NCAM1: variants seen among roughly 807,000 people sequenced by gnomAD.
NCAM1 encodes the protein neural cell adhesion molecule 1.
A neutral mutation model predicts 109.8 loss-of-function variants in NCAM1; 14 were observed. That is an observed-to-expected ratio of 0.13 (90% confidence interval 0.08 to 0.20). The LOEUF is 0.20. Ranked by LOEUF, NCAM1 falls within the 10% of genes least tolerant of loss-of-function variation. NCAM1 has a pLI of 1.00. For missense variants in NCAM1, 774 were observed against 1,109.9 expected (o/e 0.70, Z 4.30); for synonymous variants, 418 against 442.9 (o/e 0.94, Z 0.70).
intron 1 of NCAM1, among the ~76,000 whole-genome samples, chr11:113,126,421 G>A (rs1424315226): frequency 5.9e-5 from 9 of 152,016 alleles, no homozygotes; most frequent in African/African-American, 2.2e-4. Context: ...TGAACCCAAG[G>A]TACAGAGTTC....
chr11:113,186,418 A>C (rs1943510131), intron 1 of NCAM1, among the ~76,000 whole-genome samples: 1 of 152,212 alleles, frequency 6.6e-6, no homozygotes, highest in African/African-American at 2.4e-5. Context: ...TCTTCCATGA[A>C]ACTTGTCCCT....
intron 1 of NCAM1, among the ~76,000 whole-genome samples, chr11:112,975,062 AG>A (rs1166098033): frequency 6.6e-6 from 1 of 152,042 alleles, no homozygotes; most frequent in Non-Finnish European, 1.5e-5. Flanking sequence ...GACATGCTCT[AG>A]GGGTGCATCA....
intron 1 of NCAM1, among the ~76,000 whole-genome samples, chr11:113,094,314 G>A (rs182262685): frequency 8.5e-5 from 13 of 152,272 alleles, no homozygotes; most frequent in East Asian, 3.9e-4. Context: ...AGAGTTAGAC[G>A]ATAGACATCA....
At chr11:113,215,799 C>G (rs1479090386) in intron 8 of NCAM1, among the ~76,000 whole-genome samples, 1 of 152,208 alleles carries the variant, frequency 6.6e-6, no homozygotes, top group African/African-American at 2.4e-5. Flanking sequence ...TACTTGGATA[C>G]TTTCTTTATC....
chr11:113,163,317 T>A (rs1942667155), intron 1 of NCAM1, among the ~76,000 whole-genome samples: 1 of 152,242 alleles, frequency 6.6e-6, no homozygotes. Context: ...CCCATGCTGC[T>A]GTTTTGCATC....
chr11:113,058,648 G>T (rs1478272162), intron 1 of NCAM1, among the ~76,000 whole-genome samples: 1 of 152,054 alleles, frequency 6.6e-6, no homozygotes, highest in African/African-American at 2.4e-5. Flanking sequence ...TCATTGTTTT[G>T]AACAGATGGT....
At chr11:112,986,505 G>A (rs1951309515) in intron 1 of NCAM1, among the ~76,000 whole-genome samples, 1 of 151,974 alleles carries the variant, frequency 6.6e-6, no homozygotes, top group East Asian at 1.9e-4. Context: ...TTATTTAAAT[G>A]TTTGGTAGAA....
intron 1 of NCAM1, among the ~76,000 whole-genome samples, chr11:113,167,798 C>T (rs892864360): frequency 5.3e-5 from 8 of 152,112 alleles, no homozygotes; most frequent in Admixed American, 1.3e-4. Flanking sequence ...GGTTGGCAGG[C>T]GGACTTTTCT....
chr11:113,063,974 C>A (rs1937808638), intron 1 of NCAM1, among the ~76,000 whole-genome samples: 2 of 152,132 alleles, frequency 1.3e-5, no homozygotes, highest in Non-Finnish European at 2.9e-5. Context: ...AGTTTCTTTG[C>A]CAAATGTAGT....
At chr11:113,210,832 A>G (rs1322717156) in intron 7 of NCAM1, among the ~76,000 whole-genome samples, 1 of 147,386 alleles carries the variant, frequency 6.8e-6, no homozygotes, top group South Asian at 2.1e-4. Context: ...ATATTTCACA[A>G]TTTCTTTCCC....
intron 9 of NCAM1, among the ~76,000 whole-genome samples, chr11:113,229,494 A>G (rs1248579430): frequency 4.6e-5 from 7 of 152,322 alleles, no homozygotes; most frequent in African/African-American, 1.7e-4. Context: ...GGGACTGTAA[A>G]CTAGTTCAAC....
chr11:113,178,556 A>G (rs782128691), intron 1 of NCAM1, among the ~76,000 whole-genome samples: 5 of 152,230 alleles, frequency 3.3e-5, no homozygotes, highest in Non-Finnish European at 5.9e-5. Flanking sequence ...CGGGAGGCCA[A>G]TTAGCAAACT....
At chr11:113,217,658 C>T (rs1177949974) in intron 8 of NCAM1, among the ~76,000 whole-genome samples, 1 of 152,192 alleles carries the variant, frequency 6.6e-6, no homozygotes, top group Non-Finnish European at 1.5e-5. Context: ...CTAAAATGCT[C>T]AGGTCTTTTT....
At chr11:113,107,747 A>G (rs910450347) in intron 1 of NCAM1, among the ~76,000 whole-genome samples, 3 of 152,150 alleles carry the variant, frequency 2.0e-5, no homozygotes, top group African/African-American at 7.2e-5. Context: ...TGTGGGAATT[A>G]TGGGAGCTAC....
rs1555118977 is a variant in NCAM1, at chr11:113,240,775, T to C, written c.1826-5593T>C. 3.7e-6 allele frequency: 6 copies of C among 1,613,114 alleles called. No individual in the cohort carries two copies. In the Admixed American group the frequency reaches 8.3e-5, roughly 22 times the overall value. The stretch of plus-strand genomic sequence containing the variant: ...GATCTTTTTTCCCCACCTTCATTTT[T>C]CTTTCTTCAGCGGCATCTGCTAGCT... On this transcript the variant is annotated intron_variant, in intron 14 of 19. Transcript: ENST00000316851.
intron 6 of NCAM1, 52 bp from the exon 7 acceptor site, chr11:113,207,781 G>A (rs955597240): frequency 3.7e-5 from 56 of 1,523,142 alleles, no homozygotes; most frequent in Non-Finnish European, 4.4e-5. Context: ...AAAAATAAAC[G>A]TCTTATTTCT....
intron 1 of NCAM1, among the ~76,000 whole-genome samples, chr11:112,968,753 G>A (rs1321062325): frequency 1.3e-5 from 2 of 152,192 alleles, no homozygotes; most frequent in East Asian, 1.9e-4. Flanking sequence ...GGTGGTTGGG[G>A]AGGTGAAGAT....
At chr11:113,053,322 G>C (rs1457791765) in intron 1 of NCAM1, among the ~76,000 whole-genome samples, 1 of 152,070 alleles carries the variant, frequency 6.6e-6, no homozygotes, top group Admixed American at 6.5e-5. Context: ...TGGGCATTTG[G>C]GTTGATTCCA....
chr11:113,063,956 G>C (rs1471039420), intron 1 of NCAM1, among the ~76,000 whole-genome samples: 1 of 152,190 alleles, frequency 6.6e-6, no homozygotes, highest in Admixed American at 6.5e-5. Flanking sequence ...TTTGTAAAGA[G>C]ATAATGCAGT....
Sources: allele counts gnomAD v4.1 joint callset (sites outside exome capture counted in the v4.1 genomes callset), GRCh38; gene constraint gnomAD v4.1.1; transcripts MANE v1.5; gene names NCBI Gene and HGNC (gene_info 2026-07-23, HGNC 2026-07-21).